The following JAK2 variants were observed in gnomAD, a reference collection of about 807,000 sequenced individuals.
JAK2 encodes the protein tyrosine-protein kinase JAK2.
A neutral mutation model predicts 139.3 loss-of-function variants in JAK2; 86 were observed. The observed-to-expected ratio is 0.62, with a 90% CI of 0.52 to 0.74. The LOEUF (loss-of-function observed/expected upper bound fraction) is 0.74, where lower values mean the gene tolerates loss of function less well. Among genes scored for constraint, JAK2 ranks in the 30% least tolerant of loss-of-function variants. The pLI is 0.00. For missense variants in JAK2, 1,421 were observed against 1,360.3 expected (o/e 1.04, Z -0.70); for synonymous variants, 490 against 437.7 (o/e 1.12, Z -1.49).
rs1398108484 is a variant in JAK2 at position 5,021,965 on chromosome 9, A to T, written c.-23A>T. The T allele has an allele frequency of 3.8e-6, 6 of 1,560,118 alleles. No individual in the cohort carries two copies. The highest frequency in any genetic ancestry group is 4.4e-6 in the Non-Finnish European group (5 of 1,131,810). On this transcript the variant is annotated splice_region_variant and 5_prime_UTR_variant, in exon 3 of 25. Transcript: ENST00000381652. ...AACTTTATTGTTTTCTCTTACAGGC[A>T]AATGTTCTGAAAAAGACTCTGCATG... is the stretch of plus-strand genomic sequence containing the variant.
At chr9:5,110,264 A>G (rs1822343520) in intron 22 of JAK2, 1 of 152,202 alleles carries the variant, frequency 6.6e-6, no homozygotes, top group Non-Finnish European at 1.5e-5. Context: ...ACCCTTTAAT[A>G]GAAAATAACC....
At chr9:5,096,278 A>G (rs895093399) in intron 22 of JAK2, among the ~76,000 whole-genome samples, 2 of 152,186 alleles carry the variant, frequency 1.3e-5, no homozygotes, top group Non-Finnish European at 2.9e-5. Context: ...TTTAGGTTAA[A>G]TAAGACCAGG....
intron 4 of JAK2, chr9:5,041,721 C>G (rs1816546356): frequency 2.0e-6 from 1 of 498,690 alleles, no homozygotes; most frequent in South Asian, 1.5e-5. Context: ...GTACGAGGGG[C>G]TCGGGAAGCC....
intron 13 of JAK2, among the ~76,000 whole-genome samples, chr9:5,072,979 C>G (rs974055617): frequency 6.6e-6 from 1 of 152,064 alleles, no homozygotes; most frequent in Non-Finnish European, 1.5e-5. Context: ...AACCAAGTTT[C>G]AAAGGCACTG....
intron 8 of JAK2, 74 bp from the exon 9 acceptor site, chr9:5,064,809 G>A: frequency 8.8e-7 from 1 of 1,142,510 alleles, no homozygotes; most frequent in East Asian, 2.5e-5. Context: ...AACATGGAAT[G>A]AAGAAAATTT....
intron 5 of JAK2, among the ~76,000 whole-genome samples, chr9:5,047,392 C>G (rs1413048822): frequency 6.6e-6 from 1 of 152,052 alleles, no homozygotes; most frequent in Admixed American, 6.6e-5. Flanking sequence ...GTAAGATGGC[C>G]CTTTTAAATT....
chr9:4,987,258 T>G (rs1563906600), intron 2 of JAK2, among the ~76,000 whole-genome samples: 1 of 152,168 alleles, frequency 6.6e-6, no homozygotes, highest in African/African-American at 2.4e-5. Context: ...TTAGGGAATT[T>G]TGTGTGTGTG....
chr9:5,101,008 G>A (rs563482541), intron 22 of JAK2: 3 of 152,416 alleles, frequency 2.0e-5, no homozygotes, highest in Admixed American at 6.5e-5. Flanking sequence ...TGAGGTACCT[G>A]GTTCATCTCA....
intron 22 of JAK2, chr9:5,112,089 C>T (rs930285874): frequency 2.7e-6 from 1 of 369,938 alleles, no homozygotes; most frequent in East Asian, 8.1e-5. Flanking sequence ...GATAGAAGAC[C>T]ACCTACCTGA....
intron 3 of JAK2, among the ~76,000 whole-genome samples, chr9:5,026,799 T>A (rs1822812670): frequency 6.6e-6 from 1 of 152,222 alleles, no homozygotes; most frequent in Non-Finnish European, 1.5e-5. Context: ...AGGTATTCTC[T>A]TGGTTTTTTA....
chr9:5,027,298 G>T (rs1047068898), intron 3 of JAK2, among the ~76,000 whole-genome samples: 2 of 152,212 alleles, frequency 1.3e-5, no homozygotes, highest in Middle Eastern at 6.3e-3. Flanking sequence ...AGGTTTCCCA[G>T]TGCATATAAA....
intron 4 of JAK2, among the ~76,000 whole-genome samples, chr9:5,035,749 C>A (rs1190367927): frequency 6.6e-6 from 1 of 152,132 alleles, no homozygotes; most frequent in Non-Finnish European, 1.5e-5. Flanking sequence ...TAAGAGCTAT[C>A]TATGACATAC....
chr9:5,010,023 T>C (rs768885426), intron 2 of JAK2, among the ~76,000 whole-genome samples: 8 of 152,198 alleles, frequency 5.3e-5, no homozygotes, highest in African/African-American at 9.6e-5. Context: ...CCTCTCGCCT[T>C]GGACTTCCAA....
intron 15 of JAK2, 78 bp from the exon 16 acceptor site, chr9:5,078,228 T>C: frequency 1.7e-6 from 2 of 1,209,016 alleles, no homozygotes; most frequent in South Asian, 1.6e-5. Flanking sequence ...TTTAAATCTG[T>C]TTTGGGGGCT....
At chr9:5,082,833 T>C (rs1819803662) in intron 19 of JAK2, among the ~76,000 whole-genome samples, 2 of 152,244 alleles carry the variant, frequency 1.3e-5, no homozygotes, top group African/African-American at 4.8e-5. Context: ...AAACCTTGAT[T>C]CCATACAACA....
intron 3 of JAK2, among the ~76,000 whole-genome samples, chr9:5,027,856 G>A (rs1411467980): frequency 3.3e-5 from 5 of 152,140 alleles, no homozygotes; most frequent in African/African-American, 9.7e-5. Context: ...ATTCAGTCAC[G>A]TCTTCAAGCT....
At chr9:5,067,491 A>G (rs183041914) in intron 10 of JAK2, among the ~76,000 whole-genome samples, 1,868 of 152,224 alleles carry the variant, frequency 0.012, 11 homozygotes, top group Non-Finnish European at 0.017. Flanking sequence ...TAATTTTTAT[A>G]AAATGCAACT....
intron 2 of JAK2, among the ~76,000 whole-genome samples, chr9:4,990,731 G>GT (rs557480925): frequency 1.3e-5 from 2 of 152,076 alleles, no homozygotes; most frequent in Non-Finnish European, 2.9e-5. Flanking sequence ...ATGTATTCGT[G>GT]TTTTTCCTAA....
intron 22 of JAK2, chr9:5,099,324 C>T (rs183046792): frequency 1.6e-4 from 25 of 152,306 alleles, no homozygotes; most frequent in Middle Eastern, 3.4e-3. Context: ...TCCACATCTA[C>T]ACTAAAATAT....
Sources: gnomAD v4.1 joint callset for allele counts (sites outside exome capture counted in the v4.1 genomes callset) on GRCh38, gnomAD v4.1.1 for gene constraint, MANE v1.5 for transcripts, NCBI Gene and HGNC (gene_info 2026-07-23, HGNC 2026-07-21) for gene names.